IL23R: variants seen among roughly 807,000 people sequenced by gnomAD.
IL23R encodes interleukin 23 receptor.
IL23R carries 34 observed loss-of-function variants against 56.9 expected under a neutral mutation model. The observed-to-expected ratio is 0.60, with a 90% CI of 0.45 to 0.80. The LOEUF (loss-of-function observed/expected upper bound fraction) is 0.80, where lower values mean the gene tolerates loss of function less well. Ranked by LOEUF, IL23R falls within the 30% of genes least tolerant of loss-of-function variation. IL23R has a pLI of 0.00. For missense variants in IL23R, 635 were observed against 730.0 expected (o/e 0.87, Z 1.50); for synonymous variants, 230 against 249.2 (o/e 0.92, Z 0.73).
At chr1:67,161,970 A>G (rs964092952), upstream of IL23R, among the ~76,000 whole-genome samples, 3 of 152,118 alleles carry the variant, frequency 2.0e-5, no homozygotes, top group African/African-American at 7.2e-5. Context: ...TCTTTTAAAT[A>G]TAATAGAGTG....
intron 10 of IL23R, 37 bp from the exon 11 acceptor site, chr1:67,258,441 G>A (rs1456060672): frequency 1.3e-6 from 2 of 1,529,876 alleles, no homozygotes; most frequent in South Asian, 1.2e-5. Flanking sequence ...TCTTTTAAAT[G>A]TCTTTTGCAA....
chr1:67,259,607 C>G lies in IL23R; in HGVS notation c.*479C>G. ...ATGCAAAACAGCTCTCTATTGTGTA[C>G]AGAAAGGGTAAATAATGCAAAATAC... On this transcript the variant is annotated 3_prime_UTR_variant, in exon 11 of 11. Transcript: ENST00000347310. 5.9e-6 allele frequency: 1 copy of G among 169,830 alleles called. No individual in the cohort carries two copies. The highest frequency in any genetic ancestry group is 1.3e-5 in the Non-Finnish European group (1 of 78,792). 10.5% of individuals were successfully genotyped at this position (169,830 alleles called of 1,614,324 possible).
At chr1:67,161,609 C>CTA (rs143977358), upstream of IL23R, among the ~76,000 whole-genome samples, 70,635 of 149,032 alleles carry the variant, frequency 0.47, 17,346 homozygotes, top group South Asian at 0.63. Flanking sequence ...AATTAAAATA[C>CTA]TATATATATA....
Position 67,169,445 on chromosome 1 carries a change from C to T in IL23R, c.174C>T (p.Asn58=). The part of the protein sequence containing the change: ...ISIYCQAAIK[N]CQPRKLHFYK... ...TATATTGCCAAGCAGCAATTAAGAA[C>T]TGCCAACCAAGGAAACTTCATTTTT... The change falls in exon 3 of 11, where the codon AAC becomes AAT. Residue 58 remains asparagine, a synonymous_variant. Transcript: ENST00000347310. 6.2e-7 allele frequency: 1 copy of T among 1,613,710 alleles called. No homozygotes were observed.
intron 4 of IL23R, among the ~76,000 whole-genome samples, chr1:67,198,061 G>A (rs1344119990): frequency 2.0e-5 from 3 of 152,194 alleles, no homozygotes; most frequent in Non-Finnish European, 4.4e-5. Flanking sequence ...ACAAGATAGA[G>A]GGAGGGGGGA....
At chr1:67,192,793 C>A (rs1394119314) in intron 4 of IL23R, among the ~76,000 whole-genome samples, 1 of 152,162 alleles carries the variant, frequency 6.6e-6, no homozygotes, top group Non-Finnish European at 1.5e-5. Flanking sequence ...ACCACCTACA[C>A]TGCAATCCAA....
intron 6 of IL23R, among the ~76,000 whole-genome samples, chr1:67,215,978 C>T (rs1649806413): frequency 6.6e-6 from 1 of 152,136 alleles, no homozygotes; most frequent in Non-Finnish European, 1.5e-5. Context: ...TCACCTATTC[C>T]CAAGGCCTCA....
intron 5 of IL23R, among the ~76,000 whole-genome samples, chr1:67,206,104 C>G (rs1285806674): frequency 6.6e-6 from 1 of 151,958 alleles, no homozygotes; most frequent in Admixed American, 6.6e-5. Flanking sequence ...CCTCTGCCTC[C>G]CGGGTTCAAG....
intron 9 of IL23R, among the ~76,000 whole-genome samples, chr1:67,243,242 A>T (rs1242803215): frequency 1.3e-5 from 2 of 152,152 alleles, no homozygotes; most frequent in African/African-American, 4.8e-5. Flanking sequence ...AATTTGGCTT[A>T]GATCATGGAG....
chr1:67,215,250 A>C (rs1431633849), intron 6 of IL23R, among the ~76,000 whole-genome samples: 1 of 152,216 alleles, frequency 6.6e-6, no homozygotes, highest in African/African-American at 2.4e-5. Context: ...AACTGCCACA[A>C]AAGCTGAAGG....
intron 5 of IL23R, among the ~76,000 whole-genome samples, chr1:67,204,207 G>T (rs899017763): frequency 1.3e-5 from 2 of 152,184 alleles, no homozygotes; most frequent in Admixed American, 1.3e-4. Context: ...GGGACTACAG[G>T]CGCCAGCCAC....
Position 67,169,417 on chromosome 1 carries a change from C to G in IL23R, c.146C>G (p.Ser49Cys). ...ATTTTTAAGATGGGTATGAATATCT[C>G]TATATATTGCCAAGCAGCAATTAAG... Reference protein sequence around the residue: ...ATIFKMGMNISIYCQAAIKNC... With the variant: ...ATIFKMGMNICIYCQAAIKNC... The change falls in exon 3 of 11, where the codon TCT becomes TGT. Residue 49 changes from serine to cysteine, a missense_variant. Physicochemically the swap from Ser to Cys is moderately radical, Grantham distance 112. Transcript: ENST00000347310. The G allele has an allele frequency of 3.1e-6, 5 of 1,613,116 alleles. No homozygotes were observed. Among genetic ancestry groups the G allele is most frequent in the Non-Finnish European group, 4.2e-6 (5 of 1,179,150 alleles).
intron 5 of IL23R, among the ~76,000 whole-genome samples, chr1:67,203,111 T>C (rs1432172570): frequency 6.6e-6 from 1 of 152,142 alleles, no homozygotes; most frequent in African/African-American, 2.4e-5. Flanking sequence ...AACTAAATAA[T>C]AATAATAATA....
At chr1:67,180,487 T>A (rs1647122183) in intron 3 of IL23R, among the ~76,000 whole-genome samples, 1 of 152,154 alleles carries the variant, frequency 6.6e-6, no homozygotes, top group South Asian at 2.1e-4. Context: ...TCTTCCTCCA[T>A]CCCTTTATTT....
At chr1:67,192,367 C>T (rs1035695572) in intron 4 of IL23R, among the ~76,000 whole-genome samples, 2 of 152,162 alleles carry the variant, frequency 1.3e-5, no homozygotes. Context: ...GCCTCTTCTC[C>T]TTCAGGCCTT....
chr1:67,225,318 T>C (rs1271898756), intron 7 of IL23R, among the ~76,000 whole-genome samples: 2 of 152,094 alleles, frequency 1.3e-5, no homozygotes, highest in Non-Finnish European at 2.9e-5. Flanking sequence ...CATAGTACTA[T>C]AGGAGGTTTC....
chr1:67,153,329 CTT>C (rs1646744495), intron 1 of IL23R, among the ~76,000 whole-genome samples: 1 of 151,372 alleles, frequency 6.6e-6, no homozygotes, highest in South Asian at 2.1e-4. Flanking sequence ...CTATTTGACT[CTT>C]CTCTCTTTTC....
At chr1:67,253,453 C>A (rs992223076) in intron 9 of IL23R, among the ~76,000 whole-genome samples, 13 of 152,188 alleles carry the variant, frequency 8.5e-5, no homozygotes, top group Admixed American at 2.6e-4. Context: ...GCCGAATTGG[C>A]ACTGAGTTTC....
intron 9 of IL23R, 53 bp downstream of exon 9, chr1:67,240,334 C>T (rs1651768685): frequency 8.8e-7 from 1 of 1,130,186 alleles, no homozygotes. Flanking sequence ...GTATATGTAT[C>T]ACCAAAATTT....
Sources: gnomAD v4.1 joint callset for allele counts (sites outside exome capture counted in the v4.1 genomes callset) on GRCh38, gnomAD v4.1.1 for gene constraint, MANE v1.5 for transcripts, NCBI Gene and HGNC (gene_info 2026-07-23, HGNC 2026-07-21) for gene names.